SLC35A3: variants seen among roughly 807,000 people sequenced by gnomAD.
SLC35A3 encodes solute carrier family 35 member A3.
Under a neutral mutation model 39.0 loss-of-function variants are expected in SLC35A3, and 26 were observed. The ratio of observed to expected loss-of-function variants is 0.67; its 90% CI spans 0.49 to 0.92. SLC35A3 has a LOEUF of 0.92. Among genes scored for constraint, SLC35A3 ranks in the 40% least tolerant of loss-of-function variants. The pLI, the probability that SLC35A3 is intolerant of heterozygous loss-of-function variation, is 0.00. For missense variants in SLC35A3, 299 were observed against 371.6 expected (o/e 0.80, Z 1.61); for synonymous variants, 135 against 133.1 (o/e 1.01, Z -0.10).
intron 4 of SLC35A3, among the ~76,000 whole-genome samples, chr1:100,010,442 T>C (rs1302361140): frequency 2.0e-5 from 3 of 152,156 alleles, no homozygotes; most frequent in Non-Finnish European, 4.4e-5. Context: ...CCCACAGTCC[T>C]AGCACTTTGG....
Position 100,017,782 on chromosome 1 carries a change from C to T in SLC35A3, c.854C>T (p.Ser285Phe). 1 of 1,571,718 alleles carries T rather than the reference C, an allele frequency of 6.4e-7. No homozygotes were observed. The highest frequency in any genetic ancestry group is 8.6e-7 in the Non-Finnish European group (1 of 1,163,498). Residue 285 changes from serine to phenylalanine, a missense_variant, in exon 7 of 8, where the codon TCC (serine) becomes TTC (phenylalanine). Physicochemically the swap from Ser to Phe is radical, Grantham distance 155 (BLOSUM62 -2). Coordinates refer to ENST00000533028, the MANE Select transcript of SLC35A3 (RefSeq NM_012243.3). ...SLSIILSTLI[S>F]YFWLQDFVPT... ...TCGATAATATTATCAACATTGATCT[C>T]CTATTTTTGGCTTCAAGATTTTGTG...
At chr1:99,976,003 C>T (rs182787649) in intron 1 of SLC35A3, among the ~76,000 whole-genome samples, 6 of 152,074 alleles carry the variant, frequency 3.9e-5, no homozygotes, top group Non-Finnish European at 7.4e-5. Flanking sequence ...GAGGCTGCAG[C>T]GAGCCGTGAT....
At position 99,982,425 on chromosome 1, in the gene SLC35A3, G is replaced by A. The variant is rs143962885; in HGVS notation, c.-18-11112G>A. 7.3e-3 allele frequency among the ~76,000 whole-genome samples: 1,111 copies of A among 152,164 alleles called. 9 individuals are homozygous for A. The highest frequency in any genetic ancestry group is 0.026 in the African/African-American group (1,068 of 41,504). ...TAAATAATTTATCAGTATCTCATTA[G>A]TTTGGGGATGGTGGTAGTAAGTGTG... On this transcript the variant is annotated intron_variant, in intron 1 of 7. Transcript: ENST00000533028.
At chr1:99,979,626 T>A (rs1440162788) in intron 1 of SLC35A3, among the ~76,000 whole-genome samples, 1 of 151,168 alleles carries the variant, frequency 6.6e-6, no homozygotes, top group South Asian at 2.1e-4. Flanking sequence ...GTAGAGACGG[T>A]GTTTCACCGT....
chr1:100,002,728 C>T (rs1658893700), intron 3 of SLC35A3, among the ~76,000 whole-genome samples: 1 of 152,070 alleles, frequency 6.6e-6, no homozygotes, highest in African/African-American at 2.4e-5. Context: ...GAAATCCTCC[C>T]ATCTCAGCCT....
chr1:99,973,054 A>G (rs368169816), intron 1 of SLC35A3, among the ~76,000 whole-genome samples: 12 of 152,348 alleles, frequency 7.9e-5, no homozygotes, highest in African/African-American at 2.6e-4. Flanking sequence ...GAGTGATTGG[A>G]TAAGTTACAG....
intron 1 of SLC35A3, among the ~76,000 whole-genome samples, chr1:99,973,113 A>G (rs1460036093): frequency 2.0e-5 from 3 of 152,246 alleles, no homozygotes; most frequent in African/African-American, 7.2e-5. Flanking sequence ...TTCAGTAGCC[A>G]TGAAATATAA....
intron 3 of SLC35A3, among the ~76,000 whole-genome samples, chr1:100,002,188 G>C (rs1379058472): frequency 1.3e-5 from 2 of 152,110 alleles, no homozygotes; most frequent in East Asian, 3.9e-4. Context: ...GAGGAGAATT[G>C]GTGTTAGTTC....
chr1:100,008,505 A>G (rs1045352550), intron 4 of SLC35A3: 7 of 152,230 alleles, frequency 4.6e-5, no homozygotes, highest in African/African-American at 1.7e-4. Context: ...AGTGTGACAC[A>G]CTGGACCTTC....
chr1:100,010,049 T>A (rs1006131931), intron 4 of SLC35A3, among the ~76,000 whole-genome samples: 1 of 152,150 alleles, frequency 6.6e-6, no homozygotes, highest in South Asian at 2.1e-4. Context: ...TAAATTTAAT[T>A]AGTTAAAATT....
intron 5 of SLC35A3, among the ~76,000 whole-genome samples, chr1:100,014,441 T>C (rs1317345688): frequency 6.6e-6 from 1 of 152,110 alleles, no homozygotes; most frequent in East Asian, 1.9e-4. Context: ...GGGTGGGTCT[T>C]AAACTCCTGG....
intron 1 of SLC35A3, among the ~76,000 whole-genome samples, chr1:99,990,239 T>TA (rs1657995699): frequency 6.6e-6 from 1 of 152,038 alleles, no homozygotes; most frequent in Non-Finnish European, 1.5e-5. Context: ...CTAGTTAATA[T>TA]TTGGTGTGAG....
intron 5 of SLC35A3, 50 bp downstream of exon 5, chr1:100,011,583 A>T (rs1659642634): frequency 1.5e-6 from 1 of 673,730 alleles, no homozygotes; most frequent in Non-Finnish European, 2.2e-6. Flanking sequence ...TTATATTGTT[A>T]TATTTAAAGA....
intron 1 of SLC35A3, among the ~76,000 whole-genome samples, chr1:99,983,396 G>A (rs1006538350): frequency 1.3e-5 from 2 of 151,460 alleles, no homozygotes; most frequent in Non-Finnish European, 1.5e-5. Flanking sequence ...AAAATTAGCC[G>A]GGCGTGGTGG....
At chr1:100,019,842 C>G (rs1387885439) in intron 7 of SLC35A3, among the ~76,000 whole-genome samples, 1 of 152,194 alleles carries the variant, frequency 6.6e-6, no homozygotes, top group African/African-American at 2.4e-5. Flanking sequence ...GACATCTCTA[C>G]TGATACAATA....
At chr1:99,976,934 C>T (rs577363673) in intron 1 of SLC35A3, among the ~76,000 whole-genome samples, 14 of 151,992 alleles carry the variant, frequency 9.2e-5, no homozygotes, top group East Asian at 7.7e-4. Flanking sequence ...ATGTAACAAA[C>T]GTGCATACCT....
intron 3 of SLC35A3, 49 bp from the exon 4 acceptor site, chr1:100,006,981 GAACA>G (rs936998412): frequency 7.1e-5 from 108 of 1,530,682 alleles, no homozygotes; most frequent in Admixed American, 2.3e-4. Flanking sequence ...TACTCTTAAG[GAACA>G]AACAAACAAA....
chr1:99,976,079 C>T (rs1657090329), intron 1 of SLC35A3, among the ~76,000 whole-genome samples: 1 of 151,704 alleles, frequency 6.6e-6, no homozygotes, highest in Admixed American at 6.6e-5. Context: ...CCAAAAAAAC[C>T]CCAAAAATAA....
chr1:100,001,149 A>G (rs1658762261), intron 3 of SLC35A3, among the ~76,000 whole-genome samples: 2 of 151,992 alleles, frequency 1.3e-5, no homozygotes, highest in Non-Finnish European at 2.9e-5. Context: ...TGATGCCTCT[A>G]GCTTTGTTCT....
Sources: allele counts gnomAD v4.1 joint callset (sites outside exome capture counted in the v4.1 genomes callset), GRCh38; gene constraint gnomAD v4.1.1; transcripts MANE v1.5; gene names NCBI Gene and HGNC (gene_info 2026-07-23, HGNC 2026-07-21).